RBFOX1: variants seen among roughly 807,000 people sequenced by gnomAD.
RBFOX1 encodes RNA binding protein fox-1 homolog 1.
A neutral mutation model predicts 57.7 loss-of-function variants in RBFOX1; 8 were observed. That is an observed-to-expected ratio of 0.14 (90% CI 0.08 to 0.25). RBFOX1 has a LOEUF of 0.25. Among genes scored for constraint, RBFOX1 ranks in the 10% least tolerant of loss-of-function variants. RBFOX1 has a pLI of 1.00. For missense variants in RBFOX1, 611 were observed against 548.5 expected (o/e 1.11, Z -1.14); for synonymous variants, 326 against 222.4 (o/e 1.47, Z -4.15).
At chr16:5,655,808 G>C (rs972690174) in intron 3 of RBFOX1, among the ~76,000 whole-genome samples, 1 of 152,232 alleles carries the variant, frequency 6.6e-6, no homozygotes, top group Non-Finnish European at 1.5e-5. Context: ...GAATTAGGAG[G>C]AGGTGCTGTT....
intron 1 of RBFOX1, among the ~76,000 whole-genome samples, chr16:6,233,406 G>A (rs2097481008): frequency 6.6e-6 from 1 of 151,938 alleles, no homozygotes; most frequent in South Asian, 2.1e-4. Context: ...ACGAACCCCT[G>A]CACCCCACTC....
rs542776814 is a variant in RBFOX1, at chr16:7,630,531, G to T, written c.677-72G>T. On this transcript the variant is annotated intron_variant, in intron 10 of 15. Coordinates refer to ENST00000550418, the MANE Select transcript of RBFOX1 (RefSeq NM_018723.4). ...TTTCATTTCTCTGCATTTCTCGGTT[G>T]CATTGCCGTGATCTCTCAGGTGTAG... 965 of 1,597,686 alleles carry T rather than the reference G, an allele frequency of 6.0e-4. 4 individuals are homozygous for T. In the African/African-American group the frequency reaches 9.4e-3, roughly 16 times the overall value.
intron 4 of RBFOX1, among the ~76,000 whole-genome samples, chr16:7,253,998 T>C (rs540914093): frequency 5.9e-5 from 9 of 152,320 alleles, no homozygotes; most frequent in East Asian, 1.9e-4. Flanking sequence ...AAATACGTTA[T>C]GGTGTTAGCA....
rs185333891 is a variant in RBFOX1, at chr16:6,097,552, G to C, written c.-127+77560G>C. ...CTGAGTGCTTCTTCTGAATGTTAAA[G>C]TATAAGAACCTCTGCTGCACAGGGA... On this transcript the variant is annotated intron_variant, in intron 1 of 15. Transcript: ENST00000550418. This position sits in a 1 kb window ranked among gnomAD's most constrained non-coding sequence, Gnocchi z 5.0. Among the ~76,000 whole-genome samples the C allele has an allele frequency of 1.4e-3, 207 of 152,260 alleles. No homozygotes were observed. The highest frequency in any genetic ancestry group is 2.6e-3 in the Non-Finnish European group (180 of 68,020).
intron 1 of RBFOX1, among the ~76,000 whole-genome samples, chr16:5,349,905 C>T (rs764609949): frequency 1.3e-5 from 2 of 152,146 alleles, no homozygotes; most frequent in East Asian, 1.9e-4. Flanking sequence ...CACCATCCAC[C>T]GGCTCCCACT....
At chr16:6,239,673 T>A (rs184330438) in intron 1 of RBFOX1, among the ~76,000 whole-genome samples, 258 of 151,874 alleles carry the variant, frequency 1.7e-3, no homozygotes, top group Non-Finnish European at 3.2e-3. Flanking sequence ...AATTTTTGTG[T>A]TTTTAGTAGA....
intron 2 of RBFOX1, among the ~76,000 whole-genome samples, chr16:6,514,017 C>T (rs981354866): frequency 1.3e-5 from 2 of 152,180 alleles, no homozygotes; most frequent in Non-Finnish European, 2.9e-5. Flanking sequence ...GCATGTCCAC[C>T]TTACAGAGAA....
intron 3 of RBFOX1, among the ~76,000 whole-genome samples, chr16:5,731,731 G>T (rs1278150950): frequency 1.3e-5 from 2 of 152,246 alleles, no homozygotes; most frequent in African/African-American, 4.8e-5. Context: ...AAGAAGAAAT[G>T]TGGGTAGGGA....
intron 4 of RBFOX1, among the ~76,000 whole-genome samples, chr16:7,305,348 C>T (rs2096153762): frequency 6.6e-6 from 1 of 152,072 alleles, no homozygotes; most frequent in Non-Finnish European, 1.5e-5. Flanking sequence ...TGGGAAATAG[C>T]TCAGCACTGC....
chr16:7,370,399 G>A lies in RBFOX1; in HGVS notation c.28-147748G>A, dbSNP rs537081389. ...GTACATTGTGATGTGTGTGACTCCT[G>A]TAACTGATTCTGAATTTTCCAATTA... On this transcript the variant is annotated intron_variant, in intron 4 of 15. Transcript: ENST00000550418. Among the ~76,000 whole-genome samples the A allele has an allele frequency of 2.0e-5, 3 of 152,302 alleles. No individual in the cohort carries two copies. The South Asian group carries it at 6.2e-4, about 32-fold the overall frequency.
intron 3 of RBFOX1, among the ~76,000 whole-genome samples, chr16:6,884,108 A>T (rs1277260229): frequency 6.6e-6 from 1 of 152,188 alleles, no homozygotes; most frequent in Admixed American, 6.5e-5. Flanking sequence ...TGCGCTGCAG[A>T]AGAAGAGAGG....
chr16:6,474,898 C>G (rs2095249011), intron 2 of RBFOX1, among the ~76,000 whole-genome samples: 1 of 152,138 alleles, frequency 6.6e-6, no homozygotes, highest in South Asian at 2.1e-4. Flanking sequence ...AAGTGATGTT[C>G]ACTGCAGTGT....
intron 1 of RBFOX1, among the ~76,000 whole-genome samples, chr16:6,075,163 C>T (rs562453079): frequency 6.6e-6 from 1 of 152,152 alleles, no homozygotes; most frequent in African/African-American, 2.4e-5. Context: ...ATGACTTGAA[C>T]AACGTCAGAC....
chr16:6,549,467 G>A (rs1456957049), intron 2 of RBFOX1, among the ~76,000 whole-genome samples: 1 of 97,232 alleles, frequency 1.0e-5, no homozygotes, highest in Non-Finnish European at 2.1e-5. Flanking sequence ...AAGGAAGTGG[G>A]GAGGAGGGAG....
At chr16:5,858,552 A>G (rs1340493173) in intron 3 of RBFOX1, among the ~76,000 whole-genome samples, 2 of 152,198 alleles carry the variant, frequency 1.3e-5, no homozygotes, top group African/African-American at 4.8e-5. Flanking sequence ...CGTCTGCAAG[A>G]TAGACCTAAG....
chr16:6,824,309 G>A (rs376644824), intron 3 of RBFOX1, among the ~76,000 whole-genome samples: 5 of 152,240 alleles, frequency 3.3e-5, no homozygotes, highest in African/African-American at 9.6e-5. Flanking sequence ...TGGAGGCTGC[G>A]GTAGGAGAGT....
At chr16:6,605,782 C>G (rs1267217346) in intron 2 of RBFOX1, among the ~76,000 whole-genome samples, 1 of 152,120 alleles carries the variant, frequency 6.6e-6, no homozygotes, top group Non-Finnish European at 1.5e-5. Context: ...CATTATGAAA[C>G]AACACACGGG....
chr16:6,462,512 T>G (rs2153066767), intron 2 of RBFOX1, among the ~76,000 whole-genome samples: 1 of 152,348 alleles, frequency 6.6e-6, no homozygotes, highest in East Asian at 1.9e-4. Context: ...CTGATGTTCT[T>G]TAGATTAATT....
At chr16:6,926,416 C>G (rs2075597243) in intron 3 of RBFOX1, among the ~76,000 whole-genome samples, 1 of 152,206 alleles carries the variant, frequency 6.6e-6, no homozygotes, top group Non-Finnish European at 1.5e-5. Context: ...CACCACACAG[C>G]AGGCCTCAGA....
Sources: gnomAD v4.1 joint callset for allele counts (sites outside exome capture counted in the v4.1 genomes callset) on GRCh38, gnomAD v4.1.1 for gene constraint, Gnocchi (gnomAD v3.1) non-coding constraint, MANE v1.5 for transcripts, NCBI Gene and HGNC (gene_info 2026-07-23, HGNC 2026-07-21) for gene names.